CENPO: variants seen among roughly 807,000 people sequenced by gnomAD.
The protein encoded by CENPO is centromere protein O.
Under a neutral mutation model 36.1 loss-of-function variants are expected in CENPO, and 30 were observed. That is an observed-to-expected ratio of 0.83 (90% CI 0.62 to 1.13). The LOEUF (loss-of-function observed/expected upper bound fraction) is 1.13, where lower values mean the gene tolerates loss of function less well. Among genes scored for constraint, CENPO ranks in the 50% most tolerant of loss-of-function variants. The pLI is 0.00. For synonymous variants in CENPO, 171 were observed against 142.3 expected (o/e 1.20, Z -1.44); for missense variants, 349 against 357.8 (o/e 0.98, Z 0.20).
In CENPO at chr2:24,799,844, C is replaced by T. The variant is rs201079174; in HGVS notation, c.216C>T (p.Ser72=). 1.4e-4 allele frequency: 224 copies of T among 1,612,748 alleles called. No homozygotes were observed. Among genetic ancestry groups the T allele is most frequent in the South Asian group, 1.3e-3 (118 of 90,998 alleles). Residue 72 remains serine, a splice_region_variant and synonymous_variant, in exon 3 of 8, where the codon AGC becomes AGT. Transcript: ENST00000380834. ...LRAVVRHRRA[S]VKACIANVEP... ...CTGTGGTGCGGCACCGGCGAGCCAG[C>T]GTGAGTAGAAGGGTGGTATCAGCAG...
intron 2 of CENPO, among the ~76,000 whole-genome samples, chr2:24,796,391 T>C (rs1285953991): frequency 6.6e-6 from 1 of 152,166 alleles, no homozygotes; most frequent in Admixed American, 6.5e-5. Flanking sequence ...TTACCATGTG[T>C]AAACACTTTG....
chr2:24,797,947 G>A (rs1665984423), intron 2 of CENPO, among the ~76,000 whole-genome samples: 3 of 152,154 alleles, frequency 2.0e-5, no homozygotes, highest in African/African-American at 7.2e-5. Context: ...GTGAGTACAA[G>A]TTGAGCACTG....
At chr2:24,799,593 C>A in intron 2 of CENPO, 82 bp from the exon 3 acceptor site, 1 of 1,102,100 alleles carries the variant, frequency 9.1e-7, no homozygotes, top group African/African-American at 1.6e-5. Context: ...AAAAGAGTCA[C>A]CTGTTCTTCC....
At chr2:24,808,492 G>A (rs770007387) in intron 3 of CENPO, among the ~76,000 whole-genome samples, 6 of 152,168 alleles carry the variant, frequency 3.9e-5, no homozygotes, top group African/African-American at 4.8e-5. Flanking sequence ...GTGAGCCGCC[G>A]TGCCTGGCCA....
intron 3 of CENPO, among the ~76,000 whole-genome samples, chr2:24,805,783 TGAG>T (rs1395221687): frequency 1.3e-5 from 2 of 152,166 alleles, no homozygotes; most frequent in Admixed American, 6.5e-5. Flanking sequence ...GGGACCCACT[TGAG>T]GAGGCAGTCT....
chr2:24,814,565 C>T, intron 4 of CENPO, 72 bp downstream of exon 4: 5 of 778,474 alleles, frequency 6.4e-6, no homozygotes, highest in Non-Finnish European at 1.2e-5. Context: ...GATGTGTTAT[C>T]AGTCCTGGAA....
intron 3 of CENPO, among the ~76,000 whole-genome samples, chr2:24,809,599 T>C (rs761696141): frequency 6.6e-6 from 1 of 152,186 alleles, no homozygotes; most frequent in Non-Finnish European, 1.5e-5. Context: ...AGTTTTGATA[T>C]ATTTTCATTA....
chr2:24,815,591 C>T lies in CENPO; in HGVS notation c.429C>T (p.Val143=). The change falls in exon 5 of 8, where the codon GTC becomes GTT. Residue 143 remains valine (V), a synonymous_variant. Transcript: ENST00000380834. The part of the protein sequence containing the change: ...NLLDSYFVDL[V]IQKPLRIHHH... ...TGGATTCCTATTTTGTGGACCTTGT[C>T]ATACAGAAACCACTCCGGATACATC... is the stretch of plus-strand genomic sequence containing the variant. 6.2e-7 allele frequency: 1 copy of T among 1,614,044 alleles called. No homozygotes were observed. The highest frequency in any genetic ancestry group is 8.5e-7 in the Non-Finnish European group (1 of 1,179,914).
chr2:24,804,189 C>G (rs1282281448), intron 3 of CENPO, among the ~76,000 whole-genome samples: 1 of 151,996 alleles, frequency 6.6e-6, no homozygotes, highest in Non-Finnish European at 1.5e-5. Flanking sequence ...CTTGGTAGAT[C>G]TTCCTCCATC....
At chr2:24,807,054 C>T (rs1384621166) in intron 3 of CENPO, among the ~76,000 whole-genome samples, 2 of 152,270 alleles carry the variant, frequency 1.3e-5, no homozygotes, top group South Asian at 2.1e-4. Flanking sequence ...CATGAAACAC[C>T]GCACCATTGC....
chr2:24,816,576 A>G (rs1666946175), intron 5 of CENPO, 70 bp from the exon 6 acceptor site: 1 of 1,072,602 alleles, frequency 9.3e-7, no homozygotes, highest in East Asian at 2.8e-5. Context: ...GACGTAATTG[A>G]AGGGTCAGTA....
chr2:24,802,339 CCCTGGCCAGAA>C (rs1214483723), intron 3 of CENPO, among the ~76,000 whole-genome samples: 1 of 152,020 alleles, frequency 6.6e-6, no homozygotes, highest in Admixed American at 6.6e-5. Flanking sequence ...TGCCTCATTG[CCCTGGCCAGAA>C]CTTCCAACAC....
chr2:24,810,502 AG>A lies in CENPO; in HGVS notation c.217-3872del, dbSNP rs1485352069. Among the ~76,000 whole-genome samples the A allele has an allele frequency of 4.3e-5, 6 of 138,490 alleles. No homozygotes were observed. The Admixed American group carries it at 5.1e-4, about 12-fold the overall frequency. 90.9% of individuals were successfully genotyped at this position (138,490 alleles called of 152,430 possible). ...TTTTTTGGTTAACGTTTGCAGGTTA[AG>A]GTTTTTTTTTTTTTTTTTTTTGAGA... On this transcript the variant is annotated intron_variant, in intron 3 of 7. Transcript: ENST00000380834.
At chr2:24,804,458 C>T (rs1056845440) in intron 3 of CENPO, among the ~76,000 whole-genome samples, 31 of 152,236 alleles carry the variant, frequency 2.0e-4, no homozygotes, top group Non-Finnish European at 2.6e-4. Context: ...TTTGCAGTGG[C>T]TGGTACCGGT....
chr2:24,819,867 A>C lies in CENPO; in HGVS notation c.*549A>C, dbSNP rs913643609. On this transcript the variant is annotated 3_prime_UTR_variant, in exon 8 of 8. Transcript: ENST00000380834. Reference sequence around the variant, plus strand: ...TGCACTTCAATCCAGGAAGGTCGGGACTTCCTTCAGTTTCAAAAAATAAAT... The same window carrying C: ...TGCACTTCAATCCAGGAAGGTCGGGCCTTCCTTCAGTTTCAAAAAATAAAT... 2.6e-6 allele frequency: 4 copies of C among 1,532,282 alleles called. No homozygotes were observed. Among genetic ancestry groups the C allele is most frequent in the Middle Eastern group, 1.7e-4 (1 of 5,806 alleles). The allele number at this position is 1,532,282 out of a possible 1,614,324, so 94.9% of individuals were successfully genotyped here.
intron 3 of CENPO, among the ~76,000 whole-genome samples, chr2:24,802,990 T>C (rs1467505308): frequency 7.9e-5 from 12 of 152,238 alleles, no homozygotes; most frequent in Admixed American, 7.9e-4. Context: ...CTATTAATTA[T>C]TGCCTCAATT....
intron 3 of CENPO, among the ~76,000 whole-genome samples, chr2:24,807,318 C>T (rs1296550218): frequency 6.6e-6 from 1 of 152,140 alleles, no homozygotes; most frequent in Non-Finnish European, 1.5e-5. Flanking sequence ...ATTCTGATTT[C>T]TGTCACCATA....
chr2:24,799,573 T>TAAA, intron 2 of CENPO, 102 bp from the exon 3 acceptor site: 1 of 728,256 alleles, frequency 1.4e-6, no homozygotes, highest in Non-Finnish European at 2.1e-6. Context: ...AAAGTTCTGG[T>TAAA]AAAAAAAAAA....
In CENPO at chr2:24,821,625, T is replaced by C. The variant is rs765798956; in HGVS notation, c.*2307T>C. ...TCAGCCAGGTGCTGCCAGCGCTCTCTCTCGGACTTGTCTTCCTGTGCCAGG... is the reference window on the plus strand; with the variant it reads ...TCAGCCAGGTGCTGCCAGCGCTCTCCCTCGGACTTGTCTTCCTGTGCCAGG... On this transcript the variant is annotated 3_prime_UTR_variant, in exon 8 of 8. Transcript: ENST00000380834. The C allele has an allele frequency of 6.2e-7, 1 of 1,614,072 alleles. No individual in the cohort carries two copies. The highest frequency in any genetic ancestry group is 8.5e-7 in the Non-Finnish European group (1 of 1,180,000).
Sources: allele counts gnomAD v4.1 joint callset (sites outside exome capture counted in the v4.1 genomes callset), GRCh38; gene constraint gnomAD v4.1.1; transcripts MANE v1.5; gene names NCBI Gene and HGNC (gene_info 2026-07-23, HGNC 2026-07-21).